Variants in ATRNL1 observed in about 807,000 individuals in gnomAD.
ATRNL1 encodes the protein attractin like 1.
ATRNL1 carries 95 observed loss-of-function variants against 182.7 expected under a neutral mutation model. The observed-to-expected ratio is 0.52, with a 90% CI of 0.44 to 0.62. ATRNL1 has a LOEUF of 0.62. ATRNL1 is among the 20% of genes least tolerant of loss of function. The pLI is 0.00. For synonymous variants in ATRNL1, 576 were observed against 568.3 expected (o/e 1.01, Z -0.19); for missense variants, 1,471 against 1,679.5 (o/e 0.88, Z 2.17).
At chr10:115,411,802 A>T (rs1380669384) in intron 20 of ATRNL1, among the ~76,000 whole-genome samples, 4 of 152,188 alleles carry the variant, frequency 2.6e-5, no homozygotes, top group Admixed American at 6.5e-5. Context: ...TTTATGTCTC[A>T]ATTTGCTTTT....
chr10:115,816,191 TC>T (rs1277470883), intron 27 of ATRNL1, among the ~76,000 whole-genome samples: 7 of 152,162 alleles, frequency 4.6e-5, no homozygotes, highest in Non-Finnish European at 7.4e-5. Flanking sequence ...ATTCTTTGAG[TC>T]TGTGGCCACA....
At chr10:115,561,669 C>CTGTGTG (rs375690170) in intron 26 of ATRNL1, among the ~76,000 whole-genome samples, 40,929 of 141,436 alleles carry the variant, frequency 0.29, 6,957 homozygotes, top group East Asian at 0.67. Context: ...AGGGACAACT[C>CTGTGTG]TGTGTGTGTG....
intron 27 of ATRNL1, among the ~76,000 whole-genome samples, chr10:115,768,750 T>G (rs1948918742): frequency 6.6e-6 from 1 of 152,150 alleles, no homozygotes; most frequent in Non-Finnish European, 1.5e-5. Flanking sequence ...ATTTCATAGT[T>G]TATAACTATC....
At position 115,093,508 on chromosome 10, in the gene ATRNL1, C is replaced by G; in HGVS notation, c.-243C>G. ...GTCCGGGACGCCGCGGCTGTGGGGTCGGCCCGCTAAGGACAAGGTCGGGAG... is the reference window on the plus strand; with the variant it reads ...GTCCGGGACGCCGCGGCTGTGGGGTGGGCCCGCTAAGGACAAGGTCGGGAG... On this transcript the variant is annotated 5_prime_UTR_variant, in exon 1 of 29. Coordinates refer to ENST00000355044, the MANE Select transcript of ATRNL1 (RefSeq NM_207303.4). This position sits in a 1 kb window ranked among gnomAD's most constrained non-coding sequence, Gnocchi z 6.1. 1.5e-6 allele frequency: 1 copy of G among 654,192 alleles called. No individual in the cohort carries two copies. Among genetic ancestry groups the G allele is most frequent in the East Asian group, 3.3e-5 (1 of 30,566 alleles). 40.5% of individuals were successfully genotyped at this position (654,192 alleles called of 1,614,324 possible).
At chr10:115,497,345 A>T (rs1565104173) in intron 24 of ATRNL1, among the ~76,000 whole-genome samples, 1 of 152,118 alleles carries the variant, frequency 6.6e-6, no homozygotes, top group Non-Finnish European at 1.5e-5. Context: ...TTCATAGGGG[A>T]TCTAAGTGCA....
chr10:115,302,519 G>GCA (rs1853524794), intron 17 of ATRNL1, among the ~76,000 whole-genome samples: 1 of 152,098 alleles, frequency 6.6e-6, no homozygotes, highest in Admixed American at 6.6e-5. Flanking sequence ...GCATTTTGGG[G>GCA]CAAGAATATT....
chr10:115,589,184 T>A, intron 26 of ATRNL1, among the ~76,000 whole-genome samples: 1 of 152,198 alleles, frequency 6.6e-6, no homozygotes, highest in East Asian at 1.9e-4. Context: ...TATTCAGATA[T>A]TTTTGAATAT....
At chr10:115,833,761 A>G (rs1386660038) in intron 27 of ATRNL1, among the ~76,000 whole-genome samples, 2 of 152,190 alleles carry the variant, frequency 1.3e-5, no homozygotes, top group African/African-American at 2.4e-5. Flanking sequence ...AATTCTAGGC[A>G]ATAATGTACC....
intron 8 of ATRNL1, among the ~76,000 whole-genome samples, chr10:115,211,600 T>C (rs1328871203): frequency 6.6e-6 from 1 of 151,952 alleles, no homozygotes; most frequent in Non-Finnish European, 1.5e-5. Flanking sequence ...TTTGGAAGTA[T>C]TTGGCCATCA....
chr10:115,522,484 A>G (rs1850993694), intron 25 of ATRNL1, among the ~76,000 whole-genome samples: 1 of 152,200 alleles, frequency 6.6e-6, no homozygotes, highest in African/African-American at 2.4e-5. Context: ...CCTGCAACTC[A>G]AACACCTTTC....
At chr10:115,371,321 T>C (rs1857383655) in intron 19 of ATRNL1, among the ~76,000 whole-genome samples, 1 of 147,388 alleles carries the variant, frequency 6.8e-6, no homozygotes, top group African/African-American at 2.4e-5. Context: ...CCCAGAATGG[T>C]AGATTCACCA....
At chr10:115,901,743 GAAAAAAAA>G (rs562327427) in intron 28 of ATRNL1, among the ~76,000 whole-genome samples, 4 of 58,050 alleles carry the variant, frequency 6.9e-5, no homozygotes, top group Admixed American at 6.2e-4. Flanking sequence ...GAACTGAGAA[GAAAAAAAA>G]AAAAAAAAAA....
intron 28 of ATRNL1, among the ~76,000 whole-genome samples, chr10:115,878,568 T>G (rs1395412985): frequency 6.6e-6 from 1 of 152,190 alleles, no homozygotes; most frequent in African/African-American, 2.4e-5. Flanking sequence ...TTTTCTCTGT[T>G]TTTTATGTTG....
intron 26 of ATRNL1, among the ~76,000 whole-genome samples, chr10:115,704,780 C>T (rs868961324): frequency 2.0e-5 from 3 of 151,996 alleles, no homozygotes; most frequent in South Asian, 2.1e-4. Context: ...AAAATATTGA[C>T]TGTTCTATGC....
chr10:115,503,386 A>G (rs73371490), intron 24 of ATRNL1, among the ~76,000 whole-genome samples: 4,083 of 152,226 alleles, frequency 0.027, 214 homozygotes, highest in African/African-American at 0.094. Context: ...AGGCAATAAC[A>G]AACAGGACAT....
intron 28 of ATRNL1, among the ~76,000 whole-genome samples, chr10:115,931,275 C>G (rs1290288839): frequency 1.3e-5 from 2 of 152,034 alleles, no homozygotes; most frequent in Non-Finnish European, 2.9e-5. Flanking sequence ...TAAGAGACTA[C>G]GAAACTAAAT....
At chr10:115,138,841 G>A (rs1182960321) in intron 5 of ATRNL1, among the ~76,000 whole-genome samples, 2 of 152,138 alleles carry the variant, frequency 1.3e-5, no homozygotes, top group Non-Finnish European at 2.9e-5. Context: ...TTATAAAATG[G>A]GATTTTCTTT....
rs1445983787 is a variant in ATRNL1 at position 115,270,419 on chromosome 10, ATATT to A, written c.2100+1977_2100+1980del. ...TGTATATTATATATAAATATAATAT[ATATT>A]TGTTTATATATAATCTATAATATAT... On this transcript the variant is annotated intron_variant, in intron 13 of 28. Coordinates refer to ENST00000355044, the MANE Select transcript of ATRNL1 (RefSeq NM_207303.4). 1.7e-3 allele frequency among the ~76,000 whole-genome samples: 203 copies of A among 120,460 alleles called. 1 individual carries two copies. Among genetic ancestry groups the A allele is most frequent in the African/African-American group, 5.4e-3 (170 of 31,716 alleles). 79.0% of individuals were successfully genotyped at this position (120,460 alleles called of 152,430 possible).
chr10:115,340,148 CTTTG>C (rs1306414256), intron 19 of ATRNL1, among the ~76,000 whole-genome samples: 2 of 152,154 alleles, frequency 1.3e-5, no homozygotes, highest in East Asian at 1.9e-4. Flanking sequence ...CTGTAGTTTT[CTTTG>C]TTTGTTTTTG....
Sources: allele counts gnomAD v4.1 joint callset (sites outside exome capture counted in the v4.1 genomes callset), GRCh38; gene constraint gnomAD v4.1.1; non-coding constraint Gnocchi (gnomAD v3.1); transcripts MANE v1.5; gene names NCBI Gene and HGNC (gene_info 2026-07-23, HGNC 2026-07-21).